The following STMN4 variants were observed in gnomAD, a reference collection of about 807,000 sequenced individuals.
STMN4 encodes the protein stathmin 4.
Under a neutral mutation model 29.1 loss-of-function variants are expected in STMN4, and 12 were observed. That is an observed-to-expected ratio of 0.41 (90% CI 0.26 to 0.67). The LOEUF is 0.67. Ranked by LOEUF, STMN4 falls within the 30% of genes least tolerant of loss-of-function variation. The probability of loss-of-function intolerance (pLI) is 0.30; values close to 1 mark genes in which losing one functional copy is unlikely to be tolerated. For missense variants in STMN4, 181 were observed against 262.8 expected (o/e 0.69, Z 2.15); for synonymous variants, 114 against 105.3 (o/e 1.08, Z -0.51).
At chr8:27,240,352 A>AT (rs532987364) in intron 5 of STMN4, among the ~76,000 whole-genome samples, 190 bp from the exon 6 acceptor site, 35 of 152,056 alleles carry the variant, frequency 2.3e-4, no homozygotes, top group South Asian at 2.1e-4. Context: ...ACATTCTTTG[A>AT]TTTTTTTTCC....
intron 1 of STMN4, among the ~76,000 whole-genome samples, chr8:27,253,001 C>T (rs1001736312): frequency 2.0e-5 from 3 of 152,226 alleles, no homozygotes; most frequent in African/African-American, 4.8e-5. Flanking sequence ...AACTCATTTT[C>T]ATATCAGCAG....
At chr8:27,251,672 C>T (rs1321810368) in intron 1 of STMN4, among the ~76,000 whole-genome samples, 4 of 152,076 alleles carry the variant, frequency 2.6e-5, no homozygotes, top group African/African-American at 9.7e-5. Context: ...AGTCTTGCTA[C>T]TTTATGCTAT....
At chr8:27,241,547 C>A in intron 4 of STMN4, 130 bp downstream of exon 4, 1 of 1,193,076 alleles carries the variant, frequency 8.4e-7, no homozygotes, top group Admixed American at 2.0e-5. Context: ...CACCAGCCTC[C>A]TCTGACTGCT....
chr8:27,241,966 C>G, intron 3 of STMN4: 1 of 609,358 alleles, frequency 1.6e-6, no homozygotes, highest in Middle Eastern at 3.4e-4. Context: ...TGCCACAGAA[C>G]CTCCTCTTCC....
chr8:27,256,904 C>A (rs1182771135), intron 1 of STMN4, among the ~76,000 whole-genome samples: 1 of 152,110 alleles, frequency 6.6e-6, no homozygotes, highest in Admixed American at 6.5e-5. Context: ...CCCTACAGGG[C>A]AGCATGCTCT....
At chr8:27,240,261 C>A (rs1801431534) in intron 5 of STMN4, 99 bp from the exon 6 acceptor site, 5 of 1,307,826 alleles carry the variant, frequency 3.8e-6, no homozygotes, top group Non-Finnish European at 4.2e-6. Flanking sequence ...AGAACACTCA[C>A]CTCCCTGGGC....
chr8:27,239,212 A>G, intron 6 of STMN4: 1 of 1,535,006 alleles, frequency 6.5e-7, no homozygotes, highest in Non-Finnish European at 8.7e-7. Context: ...AGGAGCGGGG[A>G]CCACGCTGCT....
At chr8:27,240,724 G>A (rs566906917) in intron 5 of STMN4, among the ~76,000 whole-genome samples, 4 of 152,080 alleles carry the variant, frequency 2.6e-5, no homozygotes, top group Non-Finnish European at 4.4e-5. Flanking sequence ...CTCCTCCAAC[G>A]AAGAAGCTCT....
intron 1 of STMN4, among the ~76,000 whole-genome samples, chr8:27,255,107 T>C (rs1353939969): frequency 6.6e-6 from 1 of 152,116 alleles, no homozygotes; most frequent in African/African-American, 2.4e-5. Context: ...ATTTTTGGTA[T>C]CCATCCCTCT....
intron 1 of STMN4, among the ~76,000 whole-genome samples, chr8:27,247,605 G>A (rs182711251): frequency 6.6e-6 from 1 of 152,298 alleles, no homozygotes; most frequent in Non-Finnish European, 1.5e-5. Flanking sequence ...AAATGGCCAT[G>A]GTCATGTTAT....
chr8:27,246,175 T>C (rs575090904), intron 1 of STMN4, among the ~76,000 whole-genome samples: 99 of 145,860 alleles, frequency 6.8e-4, no homozygotes, highest in African/African-American at 2.1e-3. Context: ...AAATATGTGG[T>C]AAGTGCTTTC....
chr8:27,257,665 C>T (rs955665966), intron 1 of STMN4, among the ~76,000 whole-genome samples: 1 of 152,184 alleles, frequency 6.6e-6, no homozygotes, highest in Admixed American at 6.5e-5. Flanking sequence ...GATGCCTAAA[C>T]TCCTGGCAAG....
intron 1 of STMN4, among the ~76,000 whole-genome samples, chr8:27,256,018 G>C (rs1010385305): frequency 1.3e-5 from 2 of 152,256 alleles, no homozygotes; most frequent in East Asian, 1.9e-4. Flanking sequence ...ACAACTTAAA[G>C]GCACTTATTT....
At chr8:27,258,160 C>T (rs906840391) in intron 1 of STMN4, among the ~76,000 whole-genome samples, 191 bp downstream of exon 1, 3 of 152,178 alleles carry the variant, frequency 2.0e-5, no homozygotes, top group Non-Finnish European at 2.9e-5. Flanking sequence ...CCCACCCTCA[C>T]CCCTTGGCCG....
chr8:27,239,390 T>G, intron 6 of STMN4: 32 of 1,250,828 alleles, frequency 2.6e-5, no homozygotes, highest in Non-Finnish European at 3.3e-5. Flanking sequence ...CGGGCCGGTA[T>G]TCTGCTGACA....
chr8:27,251,512 A>G (rs1248002153), intron 1 of STMN4, among the ~76,000 whole-genome samples: 1 of 151,550 alleles, frequency 6.6e-6, no homozygotes, highest in East Asian at 1.9e-4. Context: ...TTTTAATCTT[A>G]CTCCCAATAA....
intron 6 of STMN4, chr8:27,239,305 C>G: frequency 6.5e-7 from 1 of 1,535,444 alleles, no homozygotes; most frequent in Non-Finnish European, 8.7e-7. Context: ...AGAGCTGGAG[C>G]TCTCCCAGGA....
At chr8:27,249,220 G>T (rs905929884) in intron 1 of STMN4, among the ~76,000 whole-genome samples, 3 of 152,104 alleles carry the variant, frequency 2.0e-5, no homozygotes, top group African/African-American at 7.2e-5. Context: ...GGGACAGTGG[G>T]GAGAAAAAGG....
In STMN4 at chr8:27,240,001, G is replaced by A. The variant is rs747217044; in HGVS notation, c.561C>T (p.Leu187=). The A allele has an allele frequency of 9.9e-6, 16 of 1,614,118 alleles. No individual in the cohort carries two copies. The highest frequency in any genetic ancestry group is 4.5e-5 in the East Asian group (2 of 44,898). The change falls in exon 6 of 7, where the codon CTC becomes CTT. Residue 187 remains leucine (L), a synonymous_variant. Transcript: ENST00000350889. ...ESNKENREAH[L]AAMLERLQEK... ...CTTGCAGCCGTTCCAACATGGCGGC[G>A]AGGTGGGCCTCCCTGTTCTCCTTGT...
Sources: gnomAD v4.1 joint callset for allele counts (sites outside exome capture counted in the v4.1 genomes callset) on GRCh38, gnomAD v4.1.1 for gene constraint, MANE v1.5 for transcripts, NCBI Gene and HGNC (gene_info 2026-07-23, HGNC 2026-07-21) for gene names.